Variants in MGAT4C observed in about 807,000 individuals in gnomAD.
MGAT4C encodes the protein alpha-1,3-mannosyl-glycoprotein 4-beta-N-acetylglucosaminyltransferase C.
MGAT4C carries 19 observed loss-of-function variants against 40.1 expected under a neutral mutation model. The observed-to-expected ratio is 0.47, with a 90% CI of 0.33 to 0.70. MGAT4C has a LOEUF of 0.70. Among genes scored for constraint, MGAT4C ranks in the 30% least tolerant of loss-of-function variants. MGAT4C has a pLI of 0.02. For missense variants in MGAT4C, 491 were observed against 563.2 expected (o/e 0.87, Z 1.30); for synonymous variants, 181 against 187.1 (o/e 0.97, Z 0.27).
intron 1 of MGAT4C, among the ~76,000 whole-genome samples, chr12:86,136,009 C>T (rs1881890948): frequency 6.6e-6 from 1 of 152,094 alleles, no homozygotes; most frequent in Non-Finnish European, 1.5e-5. Context: ...TTGGTTTCTT[C>T]AGAACAACTC....
At chr12:86,267,391 G>A (rs185128758) in intron 4 of MGAT4C, among the ~76,000 whole-genome samples, 48 of 152,190 alleles carry the variant, frequency 3.2e-4, no homozygotes, top group Non-Finnish European at 2.9e-4. Context: ...TCACCATCAT[G>A]AAGACACCTG....
intron 1 of MGAT4C, among the ~76,000 whole-genome samples, chr12:86,740,159 T>C (rs902824615): frequency 3.3e-5 from 5 of 151,158 alleles, no homozygotes; most frequent in African/African-American, 1.2e-4. Context: ...CAGACAATGT[T>C]GAAAGCTATG....
intron 2 of MGAT4C, among the ~76,000 whole-genome samples, chr12:86,632,976 A>G (rs912128155): frequency 6.6e-6 from 1 of 152,110 alleles, no homozygotes; most frequent in East Asian, 1.9e-4. Flanking sequence ...ATATTTACAC[A>G]TAAAAAGTTT....
chr12:86,097,959 G>T (rs1874251015), intron 1 of MGAT4C, among the ~76,000 whole-genome samples: 1 of 151,512 alleles, frequency 6.6e-6, no homozygotes. Context: ...AAAATAGAGG[G>T]TAGCAACCTG....
At chr12:86,592,732 T>A (rs936486236) in intron 2 of MGAT4C, among the ~76,000 whole-genome samples, 4 of 152,274 alleles carry the variant, frequency 2.6e-5, no homozygotes, top group Admixed American at 6.5e-5. Flanking sequence ...TTATGATACC[T>A]CCAAGTTTAA....
intron 2 of MGAT4C, among the ~76,000 whole-genome samples, chr12:86,530,623 T>C (rs541397829): frequency 4.6e-5 from 7 of 152,210 alleles, no homozygotes; most frequent in Non-Finnish European, 1.0e-4. Flanking sequence ...TGTTTGATAT[T>C]TATGTTAGTA....
chr12:86,393,832 C>T (rs115657912), intron 3 of MGAT4C, among the ~76,000 whole-genome samples: 151 of 152,242 alleles, frequency 9.9e-4, no homozygotes, highest in African/African-American at 3.5e-3. Context: ...CTATAGAAAT[C>T]GGCATCATCC....
At chr12:86,756,732 A>C (rs373192696) in intron 1 of MGAT4C, among the ~76,000 whole-genome samples, 1 of 152,110 alleles carries the variant, frequency 6.6e-6, no homozygotes, top group African/African-American at 2.4e-5. Context: ...TTCCCTAAAA[A>C]CATCTTCAAA....
At chr12:86,578,923 C>T (rs1960669282) in intron 2 of MGAT4C, among the ~76,000 whole-genome samples, 1 of 150,608 alleles carries the variant, frequency 6.6e-6, no homozygotes, top group Non-Finnish European at 1.5e-5. Context: ...ATATAGTGAC[C>T]TTGTCTCTTA....
intron 1 of MGAT4C, among the ~76,000 whole-genome samples, chr12:86,137,744 GA>G (rs1882177839): frequency 1.3e-5 from 2 of 152,122 alleles, no homozygotes; most frequent in Non-Finnish European, 2.9e-5. Flanking sequence ...CCCCTCCTAT[GA>G]AACTTGCTTC....
At chr12:86,002,685 A>C (rs1887455495) in intron 2 of MGAT4C, among the ~76,000 whole-genome samples, 1 of 149,512 alleles carries the variant, frequency 6.7e-6, no homozygotes, top group South Asian at 2.1e-4. Context: ...ATATACATAT[A>C]TCCCATTCTA....
At chr12:86,496,356 C>T (rs1314959480) in intron 2 of MGAT4C, among the ~76,000 whole-genome samples, 1 of 151,940 alleles carries the variant, frequency 6.6e-6, no homozygotes, top group Non-Finnish European at 1.5e-5. Context: ...TTGCAGAAGC[C>T]ATTTCCAATG....
chr12:86,367,557 T>C (rs1420184649), intron 3 of MGAT4C, among the ~76,000 whole-genome samples: 1 of 152,196 alleles, frequency 6.6e-6, no homozygotes, highest in African/African-American at 2.4e-5. Context: ...CCCAGCACTT[T>C]GGGAGGCTGA....
At chr12:86,144,337 C>T (rs868868634) in intron 1 of MGAT4C, among the ~76,000 whole-genome samples, 1 of 152,030 alleles carries the variant, frequency 6.6e-6, no homozygotes, top group Admixed American at 6.5e-5. Flanking sequence ...GCAGTGAAAA[C>T]GCTGATAGAT....
At chr12:86,567,327 C>T (rs1348627752) in intron 2 of MGAT4C, among the ~76,000 whole-genome samples, 1 of 152,116 alleles carries the variant, frequency 6.6e-6, no homozygotes, top group Non-Finnish European at 1.5e-5. Context: ...CACCAGGAGA[C>T]ACAACAATGA....
intron 1 of MGAT4C, among the ~76,000 whole-genome samples, chr12:86,834,612 CCACA>C (rs148269576): frequency 1.3e-5 from 2 of 148,190 alleles, no homozygotes; most frequent in African/African-American, 4.9e-5. Flanking sequence ...CCCCCAACCA[CCACA>C]CACACACACA....
chr12:86,008,259 T>C (rs1412798900), intron 2 of MGAT4C, among the ~76,000 whole-genome samples: 1 of 152,058 alleles, frequency 6.6e-6, no homozygotes, highest in Non-Finnish European at 1.5e-5. Flanking sequence ...AAATAAATTA[T>C]TTGAATCTAA....
chr12:86,361,350 G>C (rs532186986), intron 3 of MGAT4C, among the ~76,000 whole-genome samples: 183 of 152,282 alleles, frequency 1.2e-3, no homozygotes, highest in Non-Finnish European at 2.2e-3. Flanking sequence ...ATGGATTAAA[G>C]ACTTAAATGT....
Position 85,957,739 on chromosome 12 carries a change from A to G in MGAT4C, c.*21550T>C, listed in dbSNP as rs991465136. The stretch of plus-strand genomic sequence containing the variant: ...AATCTAGACAGATCATATGGTAAAA[A>G]TACAAACTGAACTCCTTCAGCTAAG... On this transcript the variant is annotated 3_prime_UTR_variant, in exon 5 of 5. Coordinates refer to ENST00000611864, the MANE Select transcript of MGAT4C (RefSeq NM_001351288.2). The G allele has an allele frequency of 6.6e-6, 1 of 151,906 alleles. No homozygotes were observed. 9.4% of individuals were successfully genotyped at this position (151,906 alleles called of 1,614,324 possible). A position where few individuals can be genotyped will look rare whatever the true frequency, so the allele number is the denominator to read the frequency against.
Sources: gnomAD v4.1 joint callset for allele counts (sites outside exome capture counted in the v4.1 genomes callset) on GRCh38, gnomAD v4.1.1 for gene constraint, MANE v1.5 for transcripts, NCBI Gene and HGNC (gene_info 2026-07-23, HGNC 2026-07-21) for gene names.